Variants in CLASP2 observed in about 807,000 individuals in gnomAD.
The protein encoded by CLASP2 is cytoplasmic linker associated protein 2.
A neutral mutation model predicts 194.4 loss-of-function variants in CLASP2; 47 were observed. The ratio of observed to expected loss-of-function variants is 0.24; its 90% confidence interval spans 0.19 to 0.31. The LOEUF is 0.31. CLASP2 is among the 10% of genes least tolerant of loss of function. CLASP2 has a pLI of 1.00. For missense variants in CLASP2, 1,445 were observed against 1,823.6 expected (o/e 0.79, Z 3.78); for synonymous variants, 619 against 633.5 (o/e 0.98, Z 0.34).
chr3:33,501,915 T>A (rs1269829438), intron 37 of CLASP2, 147 bp from the exon 38 acceptor site: 2 of 605,152 alleles, frequency 3.3e-6, no homozygotes, highest in African/African-American at 3.7e-5. Context: ...TTTTTAACCT[T>A]TTCAAGCATA....
At chr3:33,704,523 G>A (rs1001359480) in intron 1 of CLASP2, among the ~76,000 whole-genome samples, 3 of 152,102 alleles carry the variant, frequency 2.0e-5, no homozygotes, top group South Asian at 2.1e-4. Flanking sequence ...AGGCCAAAGC[G>A]GGTGGATCAC....
At chr3:33,666,442 G>T (rs1482562481) in intron 6 of CLASP2, among the ~76,000 whole-genome samples, 1 of 152,064 alleles carries the variant, frequency 6.6e-6, no homozygotes, top group Non-Finnish European at 1.5e-5. Flanking sequence ...TGCCATATCT[G>T]GCCATTTCAT....
chr3:33,639,196 T>C (rs1270129375), intron 8 of CLASP2, among the ~76,000 whole-genome samples: 3 of 152,118 alleles, frequency 2.0e-5, no homozygotes, highest in Non-Finnish European at 4.4e-5. Context: ...TAGCTGGGAA[T>C]ACAGGAATGG....
intron 7 of CLASP2, chr3:33,659,502 G>A (rs902327950): frequency 3.0e-6 from 2 of 671,944 alleles, no homozygotes; most frequent in Non-Finnish European, 3.7e-6. Flanking sequence ...TCCTTTTGTC[G>A]TTACCTTTTA....
chr3:33,685,342 CAAAAAAAAAAA>C (rs56240569), intron 5 of CLASP2, among the ~76,000 whole-genome samples: 1 of 48,142 alleles, frequency 2.1e-5, no homozygotes, highest in Admixed American at 3.1e-4. Flanking sequence ...AACTCCGTCT[CAAAAAAAAAAA>C]AAAAAAAAAA....
At chr3:33,597,270 G>A (rs2070680478) in intron 18 of CLASP2, among the ~76,000 whole-genome samples, 2 of 152,018 alleles carry the variant, frequency 1.3e-5, no homozygotes, top group South Asian at 4.1e-4. Context: ...ATGTCCCATA[G>A]AGAAAATTAC....
chr3:33,532,018 G>C (rs940581643), intron 34 of CLASP2, among the ~76,000 whole-genome samples: 1 of 152,076 alleles, frequency 6.6e-6, no homozygotes, highest in African/African-American at 2.4e-5. Flanking sequence ...TTCTACTTCT[G>C]GGTATTTACC....
intron 19 of CLASP2, 47 bp downstream of exon 19, chr3:33,596,664 C>T: frequency 7.4e-7 from 1 of 1,344,300 alleles, no homozygotes; most frequent in Non-Finnish European, 1.0e-6. Flanking sequence ...ATATAGAATC[C>T]AGGTTCCATA....
intron 34 of CLASP2, among the ~76,000 whole-genome samples, chr3:33,533,864 G>A (rs1366683479): frequency 1.3e-5 from 2 of 152,064 alleles, no homozygotes; most frequent in African/African-American, 2.4e-5. Flanking sequence ...TGACAGGCGC[G>A]TGCCACCACG....
In CLASP2 at chr3:33,542,560, C is replaced by T. The variant is rs1445905425; in HGVS notation, c.3404+873G>A. 2.0e-5 allele frequency among the ~76,000 whole-genome samples: 3 copies of T among 149,696 alleles called. No individual in the cohort carries two copies. The East Asian group carries it at 5.8e-4, about 29-fold the overall frequency. ...TTATAATCATTCTGAATATGAAATA[C>T]ATCATTCTGAATATGAAAACCATAG... On this transcript the variant is annotated intron_variant, in intron 32 of 38. Transcript: ENST00000682230.
At chr3:33,577,557 T>TAA (rs561421765) in intron 23 of CLASP2, among the ~76,000 whole-genome samples, 1 of 148,228 alleles carries the variant, frequency 6.7e-6, no homozygotes, top group African/African-American at 2.5e-5. Flanking sequence ...CATTATAGTG[T>TAA]AAAAAAAAAA....
At chr3:33,675,922 T>G (rs1036332688) in intron 6 of CLASP2, among the ~76,000 whole-genome samples, 13 of 150,614 alleles carry the variant, frequency 8.6e-5, no homozygotes, top group African/African-American at 2.7e-4. Flanking sequence ...CACTGCTCAA[T>G]GAAATTAAAG....
intron 28 of CLASP2, 131 bp from the exon 29 acceptor site, chr3:33,559,516 G>A: frequency 1.6e-6 from 1 of 629,872 alleles, no homozygotes; most frequent in South Asian, 1.9e-5. Context: ...TCTGCATGTG[G>A]TATAAACTAC....
At chr3:33,570,255 T>C (rs144941503) in intron 26 of CLASP2, among the ~76,000 whole-genome samples, 125 of 152,356 alleles carry the variant, frequency 8.2e-4, no homozygotes, top group African/African-American at 2.8e-3. Flanking sequence ...AAATGTCTCT[T>C]ATATTACTAC....
chr3:33,625,558 T>C lies in CLASP2; in HGVS notation c.1035+1430A>G, dbSNP rs1284158735. Among the ~76,000 whole-genome samples, 3 of 149,896 alleles carry C rather than the reference T, an allele frequency of 2.0e-5. No individual in the cohort carries two copies. In the East Asian group the frequency reaches 5.8e-4, roughly 29 times the overall value. On this transcript the variant is annotated intron_variant, in intron 10 of 38. Transcript: ENST00000682230. ...TCTAAGTAATGTATCAAGTATGATC[T>C]CTCTCTTTTTTTTTTTTTGGTTTAC...
chr3:33,581,885 G>A lies in CLASP2; in HGVS notation c.2283C>T (p.Cys761=), dbSNP rs933318886. The change falls in exon 23 of 39, where the codon TGC becomes TGT. Residue 761 remains cysteine (C), a synonymous_variant. Coordinates refer to ENST00000682230, the MANE Select transcript of CLASP2 (RefSeq NM_001365631.1). ...RIPRPSVSQG[C]SREASRESSR... ...TGCTCTCCCGACTAGCTTCCCGGCT[G>A]CATCCTTGACTCACACTTGGTCGAG... 8.1e-6 allele frequency: 13 copies of A among 1,613,740 alleles called. No individual in the cohort carries two copies. Among genetic ancestry groups the A allele is most frequent in the Non-Finnish European group, 1.0e-5 (12 of 1,179,772 alleles).
chr3:33,592,653 T>TA, intron 20 of CLASP2, 157 bp from the exon 21 acceptor site: 1 of 694,992 alleles, frequency 1.4e-6, no homozygotes, highest in Non-Finnish European at 2.5e-6. Context: ...TTATAAACAG[T>TA]AATTTTTTTT....
At chr3:33,624,498 A>C (rs1357775303) in intron 10 of CLASP2, among the ~76,000 whole-genome samples, 1 of 152,100 alleles carries the variant, frequency 6.6e-6, no homozygotes, top group East Asian at 1.9e-4. Flanking sequence ...AAAGACAAAT[A>C]TAGTAGTTTC....
intron 36 of CLASP2, 124 bp downstream of exon 36, chr3:33,515,899 G>C (rs1262881529): frequency 8.7e-6 from 8 of 920,590 alleles, no homozygotes; most frequent in Non-Finnish European, 1.3e-5. Flanking sequence ...TCTCGATCAG[G>C]TATTACCCTG....
Sources: gnomAD v4.1 joint callset for allele counts (sites outside exome capture counted in the v4.1 genomes callset) on GRCh38, gnomAD v4.1.1 for gene constraint, MANE v1.5 for transcripts, NCBI Gene and HGNC (gene_info 2026-07-23, HGNC 2026-07-21) for gene names.